Variants in TDRD5 observed in about 807,000 individuals in gnomAD.
TDRD5 encodes the protein tudor domain containing 5, also known as tudor domain-containing protein 5.
A neutral mutation model predicts 120.6 loss-of-function variants in TDRD5; 41 were observed. The observed-to-expected ratio is 0.34, with a 90% CI of 0.26 to 0.44. The LOEUF is 0.44. TDRD5 is among the 20% of genes least tolerant of loss of function. The pLI, the probability that TDRD5 is intolerant of heterozygous loss-of-function variation, is 1.00. For synonymous variants in TDRD5, 430 were observed against 433.7 expected (o/e 0.99, Z 0.11); for missense variants, 1,006 against 1,221.2 (o/e 0.82, Z 2.63).
intron 17 of TDRD5, among the ~76,000 whole-genome samples, chr1:179,675,348 C>T (rs1463421987): frequency 6.5e-5 from 9 of 138,650 alleles, no homozygotes; most frequent in African/African-American, 1.9e-4. Flanking sequence ...GGCGCTATCC[C>T]GGCTCACTGC....
chr1:179,640,196 G>C, intron 10 of TDRD5, 145 bp downstream of exon 10: 1 of 1,077,886 alleles, frequency 9.3e-7, no homozygotes, highest in Non-Finnish European at 1.3e-6. Context: ...TGACAACTGG[G>C]TCATTTCATT....
At chr1:179,617,855 C>G (rs1393580103) in intron 4 of TDRD5, among the ~76,000 whole-genome samples, 3 of 152,168 alleles carry the variant, frequency 2.0e-5, no homozygotes, top group African/African-American at 7.2e-5. Context: ...TGACTTCTCT[C>G]TACTAAAATC....
chr1:179,593,462 A>G lies in TDRD5; in HGVS notation c.235A>G (p.Ile79Val). The G allele has an allele frequency of 6.2e-7, 1 of 1,611,174 alleles. No individual in the cohort carries two copies. Among genetic ancestry groups the G allele is most frequent in the Non-Finnish European group, 8.5e-7 (1 of 1,177,542 alleles). ...GAGGTVILKA[I>V]PDESTKGIAS... ...GATTTCTATTTTTCACGTCTCAGCC[A>G]TTCCAGATGAATCTACCAAAGGAAT... Residue 79 changes from isoleucine to valine, a missense_variant and splice_region_variant, in exon 3 of 18, where the codon ATT becomes GTT. Ile to Val is a conservative substitution (Grantham distance 29). Transcript: ENST00000444136.
intron 4 of TDRD5, among the ~76,000 whole-genome samples, chr1:179,617,112 C>G (rs1045480273): frequency 6.6e-6 from 1 of 152,044 alleles, no homozygotes; most frequent in African/African-American, 2.4e-5. Flanking sequence ...TTAAAGCTAA[C>G]GATATAATCA....
intron 6 of TDRD5, among the ~76,000 whole-genome samples, chr1:179,629,980 CTTTT>C (rs34963950): frequency 7.2e-6 from 1 of 139,398 alleles, no homozygotes; most frequent in East Asian, 2.0e-4. Flanking sequence ...TTTATTCCAA[CTTTT>C]TTTTTTTTTT....
intron 11 of TDRD5, among the ~76,000 whole-genome samples, chr1:179,648,592 A>G (rs941859787): frequency 1.3e-5 from 2 of 149,884 alleles, no homozygotes; most frequent in Non-Finnish European, 3.0e-5. Context: ...CTTAAAGTAT[A>G]ATAATAAAAA....
At chr1:179,641,403 G>A (rs555376088) in intron 11 of TDRD5, among the ~76,000 whole-genome samples, 38 of 152,160 alleles carry the variant, frequency 2.5e-4, no homozygotes, top group African/African-American at 8.7e-4. Context: ...GGTGGTGGGC[G>A]CCTGTAATCT....
Position 179,639,876 on chromosome 1 carries a change from G to A in TDRD5, c.1558G>A (p.Val520Ile). 1 of 1,614,056 alleles carries A rather than the reference G, an allele frequency of 6.2e-7. No individual in the cohort carries two copies. The highest frequency in any genetic ancestry group is 8.5e-7 in the Non-Finnish European group (1 of 1,180,004). Residue 520 changes from valine to isoleucine, a missense_variant, in exon 10 of 18, where the codon GTC becomes ATC. Physicochemically the swap from Val to Ile is conservative, Grantham distance 29. Coordinates refer to ENST00000444136, the MANE Select transcript of TDRD5 (RefSeq NM_001199085.3). ...YSNQLVSDRY[V>I]MPECFIQPGH... ...TAATCAGCTGGTTTCTGATCGATAT[G>A]TCATGCCAGAATGTTTTATTCAGCC...
At chr1:179,677,610 A>T (rs138105005) in intron 17 of TDRD5, among the ~76,000 whole-genome samples, 1 of 151,882 alleles carries the variant, frequency 6.6e-6, no homozygotes, top group South Asian at 2.1e-4. Context: ...AACTGTGGTG[A>T]TTGTTTTTGC....
In TDRD5 at chr1:179,652,195, T is replaced by C. The variant is rs767921226; in HGVS notation, c.2158T>C (p.Leu720=). ...PQSKESELRI[L]QDINDEKSLS... is the part of the protein sequence containing the mutation. ...GTCAAAAGAGAGTGAGTTACGTATC[T>C]TGGTAAGAGATTTTTGCAAATACTA... is the stretch of plus-strand genomic sequence containing the variant. Residue 720 remains leucine (L), a splice_region_variant and synonymous_variant, in exon 13 of 18, where the codon TTG becomes CTG. Coordinates refer to ENST00000444136, the MANE Select transcript of TDRD5 (RefSeq NM_001199085.3). 1.9e-6 allele frequency: 3 copies of C among 1,596,232 alleles called. No homozygotes were observed. The highest frequency in any genetic ancestry group is 2.3e-5 in the South Asian group (2 of 86,800).
intron 16 of TDRD5, among the ~76,000 whole-genome samples, chr1:179,668,888 G>A (rs1284602148): frequency 2.6e-5 from 4 of 151,696 alleles, no homozygotes; most frequent in South Asian, 2.1e-4. Flanking sequence ...GACTACAGGC[G>A]CCTGCCACCA....
At chr1:179,614,045 GATA>G (rs1296626836) in intron 4 of TDRD5, among the ~76,000 whole-genome samples, 1 of 152,138 alleles carries the variant, frequency 6.6e-6, no homozygotes, top group Admixed American at 6.6e-5. Context: ...TTCATCATTA[GATA>G]ATGTTTCTAA....
intron 4 of TDRD5, among the ~76,000 whole-genome samples, chr1:179,597,332 C>CTTTTTTTTT (rs945509784): frequency 3.7e-3 from 462 of 125,358 alleles, no homozygotes; most frequent in Non-Finnish European, 5.2e-3. Flanking sequence ...TTCTTTTTTT[C>CTTTTTTTTT]TTTTTTTTTT....
chr1:179,592,981 G>A (rs1447583294), intron 2 of TDRD5, 134 bp downstream of exon 2: 3 of 952,174 alleles, frequency 3.2e-6, no homozygotes, highest in Non-Finnish European at 4.6e-6. Flanking sequence ...GAGACTCATA[G>A]GTGCTTTTGA....
At chr1:179,651,199 T>A (rs1289188994) in intron 12 of TDRD5, 132 bp downstream of exon 12, 4 of 970,480 alleles carry the variant, frequency 4.1e-6, no homozygotes, top group African/African-American at 3.3e-5. Flanking sequence ...GATTCCTGGC[T>A]TTTTAATGCA....
intron 14 of TDRD5, among the ~76,000 whole-genome samples, chr1:179,659,553 G>A (rs1679176378): frequency 4.8e-5 from 2 of 41,918 alleles, no homozygotes; most frequent in South Asian, 7.6e-4. Flanking sequence ...CAGTTTTCGT[G>A]TGTGTGTGTG....
intron 17 of TDRD5, among the ~76,000 whole-genome samples, chr1:179,688,169 G>A (rs1233779155): frequency 6.6e-6 from 1 of 152,162 alleles, no homozygotes; most frequent in Non-Finnish European, 1.5e-5. Context: ...GCACGTTTTT[G>A]CAGTGGCTGG....
At chr1:179,628,961 GAA>G (rs1468232295) in intron 6 of TDRD5, among the ~76,000 whole-genome samples, 1 of 151,184 alleles carries the variant, frequency 6.6e-6, no homozygotes, top group African/African-American at 2.4e-5. Flanking sequence ...CAATTTAACT[GAA>G]GTGTTTATTT....
chr1:179,599,126 T>G (rs1249989879), intron 4 of TDRD5, among the ~76,000 whole-genome samples: 1 of 152,112 alleles, frequency 6.6e-6, no homozygotes, highest in Non-Finnish European at 1.5e-5. Flanking sequence ...TTATAGGACT[T>G]TTGTTTTTTA....
Sources: gnomAD v4.1 joint callset for allele counts (sites outside exome capture counted in the v4.1 genomes callset) on GRCh38, gnomAD v4.1.1 for gene constraint, MANE v1.5 for transcripts, NCBI Gene and HGNC (gene_info 2026-07-23, HGNC 2026-07-21) for gene names.